The following CRISPLD2 variants were observed in gnomAD, a reference collection of about 807,000 sequenced individuals.
CRISPLD2 encodes cysteine rich secretory protein LCCL domain containing 2.
CRISPLD2 carries 47 observed loss-of-function variants against 71.1 expected under a neutral mutation model. The ratio of observed to expected loss-of-function variants is 0.66; its 90% CI spans 0.52 to 0.84. The LOEUF (loss-of-function observed/expected upper bound fraction) is 0.84, where lower values mean the gene tolerates loss of function less well. Ranked by LOEUF, CRISPLD2 falls within the 40% of genes least tolerant of loss-of-function variation. The pLI, the probability that CRISPLD2 is intolerant of heterozygous loss-of-function variation, is 0.00. For missense variants in CRISPLD2, 830 were observed against 651.1 expected, an observed-to-expected ratio of 1.27 and a Z score of -2.99; for synonymous variants, 317 against 250.1, an observed-to-expected ratio of 1.27 and a Z score of -2.52.
intron 14 of CRISPLD2, among the ~76,000 whole-genome samples, chr16:84,892,322 G>A (rs2071669998): frequency 6.6e-6 from 1 of 152,236 alleles, no homozygotes; most frequent in Non-Finnish European, 1.5e-5. Context: ...ATGCTCGACT[G>A]TGACAGCTGC....
At chr16:84,853,899 C>T (rs143370111) in intron 5 of CRISPLD2, among the ~76,000 whole-genome samples, 3 of 152,338 alleles carry the variant, frequency 2.0e-5, no homozygotes, top group Admixed American at 6.5e-5. Flanking sequence ...CAGCCTGGGG[C>T]CCAAGCCGGG....
chr16:84,880,663 C>T (rs1480184651), intron 13 of CRISPLD2, 79 bp downstream of exon 13: 1 of 1,038,640 alleles, frequency 9.6e-7, no homozygotes, highest in East Asian at 2.4e-5. Flanking sequence ...GATCTGGATA[C>T]TTGAAACTTT....
chr16:84,890,037 C>T (rs929583425), intron 14 of CRISPLD2, among the ~76,000 whole-genome samples: 2 of 152,028 alleles, frequency 1.3e-5, no homozygotes, highest in African/African-American at 4.8e-5. Context: ...GGGAGGTGAA[C>T]GGAAATGGTG....
intron 8 of CRISPLD2, among the ~76,000 whole-genome samples, chr16:84,872,056 G>A (rs192575347): frequency 1.4e-4 from 22 of 152,202 alleles, no homozygotes; most frequent in African/African-American, 5.1e-4. Context: ...AAACAATACA[G>A]TGTAACAACT....
chr16:84,886,910 G>A (rs534309701), intron 13 of CRISPLD2, among the ~76,000 whole-genome samples: 43 of 152,252 alleles, frequency 2.8e-4, no homozygotes, highest in Non-Finnish European at 5.7e-4. Flanking sequence ...TAATGGGTTC[G>A]ACCTCCAGAA....
At chr16:84,905,891 G>A (rs866505041) in intron 14 of CRISPLD2, among the ~76,000 whole-genome samples, 10 of 151,790 alleles carry the variant, frequency 6.6e-5, no homozygotes, top group South Asian at 2.1e-4. Flanking sequence ...TGTATTTTTC[G>A]TAGAGATGGG....
Position 84,909,126 on chromosome 16 carries a change from G to C in CRISPLD2, c.*2484G>C, listed in dbSNP as rs1265141773. ...CCTGTGTGTGGAATAGAGGCCCCTC[G>C]TGCTACCAACACTTACCCTGTGTTT... On this transcript the variant is annotated 3_prime_UTR_variant, in exon 15 of 15. Transcript: ENST00000262424. The C allele has an allele frequency of 6.6e-6, 1 of 152,546 alleles. No individual in the cohort carries two copies. Among genetic ancestry groups the C allele is most frequent in the Non-Finnish European group, 1.5e-5 (1 of 68,038 alleles). The allele number at this position is 152,546 out of a possible 1,614,324, so 9.4% of individuals were successfully genotyped here.
chr16:84,885,270 C>G (rs963015881), intron 13 of CRISPLD2, among the ~76,000 whole-genome samples: 2 of 152,216 alleles, frequency 1.3e-5, no homozygotes, highest in African/African-American at 4.8e-5. Flanking sequence ...CCCCCGCTCA[C>G]GGCGATTTTA....
In CRISPLD2 at chr16:84,854,830, G is replaced by T; in HGVS notation, c.709+1G>T. ...TGCAGGAACAACTTGTGTTACCGAG[G>T]TAGGAAATTTACTCCCAACACTTTT... On this transcript the variant is annotated splice_donor_variant, in intron 6 of 14. Transcript: ENST00000262424. LOFTEE classifies it high-confidence loss of function. 6.2e-7 allele frequency: 1 copy of T among 1,612,382 alleles called. No homozygotes were observed. The highest frequency in any genetic ancestry group is 8.5e-7 in the Non-Finnish European group (1 of 1,178,380).
At chr16:84,855,061 A>T (rs950341318) in intron 6 of CRISPLD2, among the ~76,000 whole-genome samples, 9 of 151,974 alleles carry the variant, frequency 5.9e-5, no homozygotes, top group Non-Finnish European at 1.0e-4. Flanking sequence ...ATGGCTTCCC[A>T]TGGGCATCTC....
intron 8 of CRISPLD2, among the ~76,000 whole-genome samples, chr16:84,871,511 C>G (rs958998991): frequency 6.6e-6 from 1 of 152,170 alleles, no homozygotes; most frequent in Non-Finnish European, 1.5e-5. Context: ...TGCACTCCAG[C>G]CTGCGTGATG....
chr16:84,864,858 A>G (rs1364313570), intron 6 of CRISPLD2, among the ~76,000 whole-genome samples: 1 of 152,164 alleles, frequency 6.6e-6, no homozygotes, highest in African/African-American at 2.4e-5. Context: ...GAGCACATCC[A>G]AGATTAGAAT....
chr16:84,897,454 C>G (rs1193080371), intron 14 of CRISPLD2, among the ~76,000 whole-genome samples: 1 of 152,062 alleles, frequency 6.6e-6, no homozygotes, highest in Non-Finnish European at 1.5e-5. Flanking sequence ...GACCGTGTCT[C>G]AAAAAGACTA....
At chr16:84,867,952 C>T (rs927649150) in intron 7 of CRISPLD2, among the ~76,000 whole-genome samples, 3 of 152,222 alleles carry the variant, frequency 2.0e-5, no homozygotes, top group African/African-American at 7.2e-5. Context: ...TTGCAGCCGC[C>T]GTTTCTGCAG....
At chr16:84,858,573 GT>G in intron 6 of CRISPLD2, among the ~76,000 whole-genome samples, 1 of 152,214 alleles carries the variant, frequency 6.6e-6, no homozygotes, top group Non-Finnish European at 1.5e-5. Context: ...AGTCCAACGT[GT>G]TTGCTACTTC....
At chr16:84,873,304 T>G in intron 10 of CRISPLD2, 182 bp downstream of exon 10, 1 of 531,826 alleles carries the variant, frequency 1.9e-6, no homozygotes, top group South Asian at 2.4e-5. Flanking sequence ...ATGGTGAAAG[T>G]CCGTCTCTAC....
intron 14 of CRISPLD2, among the ~76,000 whole-genome samples, chr16:84,892,305 G>C (rs1033880909): frequency 1.3e-5 from 2 of 152,214 alleles, no homozygotes; most frequent in Non-Finnish European, 2.9e-5. Flanking sequence ...CGGGGGCATC[G>C]TGCTGCATGC....
chr16:84,906,897 C>T lies in CRISPLD2; in HGVS notation c.*255C>T. 1 of 569,040 alleles carries T rather than the reference C, an allele frequency of 1.8e-6. No individual in the cohort carries two copies. Among genetic ancestry groups the T allele is most frequent in the Non-Finnish European group, 3.1e-6 (1 of 318,420 alleles). 35.2% of individuals were successfully genotyped at this position (569,040 alleles called of 1,614,324 possible). A position where few individuals can be genotyped will look rare whatever the true frequency, so the allele number is the denominator to read the frequency against. ...CTGGGGGTCTCCATCTGGACGTCCT[C>T]TCTCCTTTAGAGATCTGAGCTGTCT... On this transcript the variant is annotated 3_prime_UTR_variant, in exon 15 of 15. Coordinates refer to ENST00000262424, the MANE Select transcript of CRISPLD2 (RefSeq NM_031476.4).
chr16:84,866,761 C>G (rs1016803768), intron 6 of CRISPLD2, 136 bp from the exon 7 acceptor site: 11 of 824,614 alleles, frequency 1.3e-5, no homozygotes, highest in Non-Finnish European at 2.1e-5. Flanking sequence ...ATGTAACTTT[C>G]TCTTTGCCGC....
Sources: gnomAD v4.1 joint callset for allele counts (sites outside exome capture counted in the v4.1 genomes callset) on GRCh38, gnomAD v4.1.1 for gene constraint, MANE v1.5 for transcripts, NCBI Gene and HGNC (gene_info 2026-07-23, HGNC 2026-07-21) for gene names.